Variants in TBC1D2B observed in about 807,000 individuals in gnomAD.
The protein encoded by TBC1D2B is TBC1 domain family member 2B.
A neutral mutation model predicts 100.8 loss-of-function variants in TBC1D2B; 64 were observed. The observed-to-expected ratio is 0.64, with a 90% confidence interval of 0.52 to 0.78. The LOEUF (loss-of-function observed/expected upper bound fraction) is 0.78. TBC1D2B is among the 30% of genes least tolerant of loss of function. The probability of loss-of-function intolerance (pLI) is 0.00; values close to 1 mark genes in which losing one functional copy is unlikely to be tolerated. For synonymous variants in TBC1D2B, 480 were observed against 479.7 expected (o/e 1.00, Z -0.01); for missense variants, 1,052 against 1,218.4 (o/e 0.86, Z 2.03).
intron 3 of TBC1D2B, among the ~76,000 whole-genome samples, chr15:78,041,317 C>T (rs1364271483): frequency 6.6e-6 from 1 of 152,202 alleles, no homozygotes; most frequent in African/African-American, 2.4e-5. Context: ...CAGTGAGGAA[C>T]AAACCCAGCT....
intron 3 of TBC1D2B, among the ~76,000 whole-genome samples, chr15:78,039,332 G>A (rs999824145): frequency 2.0e-5 from 3 of 152,146 alleles, no homozygotes; most frequent in Non-Finnish European, 4.4e-5. Context: ...ATGACTTTAC[G>A]GTCCTAGACA....
At chr15:78,059,289 GCA>G (rs1432944381) in intron 1 of TBC1D2B, among the ~76,000 whole-genome samples, 2 of 152,216 alleles carry the variant, frequency 1.3e-5, no homozygotes, top group Non-Finnish European at 2.9e-5. Flanking sequence ...AAGATGTCTT[GCA>G]CAGTGTCCTG....
chr15:78,031,554 CAAA>C (rs1225713046), intron 3 of TBC1D2B, among the ~76,000 whole-genome samples: 30 of 54,902 alleles, frequency 5.5e-4, no homozygotes, highest in South Asian at 3.3e-3. Context: ...ACTCTGTCTC[CAAA>C]AAAAAAAAAA....
At chr15:78,050,046 C>T (rs1038322838) in intron 2 of TBC1D2B, among the ~76,000 whole-genome samples, 2 of 152,184 alleles carry the variant, frequency 1.3e-5, no homozygotes, top group Non-Finnish European at 1.5e-5. Context: ...TATGGAATCA[C>T]GACATTAAAG....
chr15:78,009,862 C>CTACAGGA (rs2072174555), intron 9 of TBC1D2B, among the ~76,000 whole-genome samples: 1 of 151,674 alleles, frequency 6.6e-6, no homozygotes, highest in South Asian at 2.1e-4. Context: ...GTAGTCCAAG[C>CTACAGGA]TACCTGGGAG....
chr15:78,014,584 G>C (rs2072319881), intron 8 of TBC1D2B, among the ~76,000 whole-genome samples: 1 of 152,196 alleles, frequency 6.6e-6, no homozygotes, highest in African/African-American at 2.4e-5. Context: ...TTCATACAAT[G>C]ATGTTCTACA....
chr15:78,071,928 C>T (rs186049262), intron 1 of TBC1D2B, among the ~76,000 whole-genome samples: 10 of 152,150 alleles, frequency 6.6e-5, no homozygotes, highest in Admixed American at 5.9e-4. Flanking sequence ...TGGTTCCTGG[C>T]GGGGGCCCTC....
intron 10 of TBC1D2B, among the ~76,000 whole-genome samples, chr15:78,006,672 T>C (rs2072077166): frequency 6.6e-6 from 1 of 152,042 alleles, no homozygotes; most frequent in Non-Finnish European, 1.5e-5. Flanking sequence ...CTCAGGCAAA[T>C]TGCTTATTAG....
At chr15:78,058,542 T>C (rs1445384634) in intron 1 of TBC1D2B, among the ~76,000 whole-genome samples, 1 of 152,198 alleles carries the variant, frequency 6.6e-6, no homozygotes, top group Non-Finnish European at 1.5e-5. Flanking sequence ...GACCTTTGAG[T>C]GATCTGGCTG....
intron 3 of TBC1D2B, among the ~76,000 whole-genome samples, chr15:78,039,006 AACAC>A (rs1034826540): frequency 6.6e-6 from 1 of 152,132 alleles, no homozygotes; most frequent in Non-Finnish European, 1.5e-5. Flanking sequence ...CCACTGCAGA[AACAC>A]ACACACACCC....
intron 1 of TBC1D2B, among the ~76,000 whole-genome samples, chr15:78,065,736 T>C (rs2073642488): frequency 6.6e-6 from 1 of 152,070 alleles, no homozygotes; most frequent in Admixed American, 6.5e-5. Context: ...TGCTTGATGT[T>C]TTTCAACTAA....
intron 4 of TBC1D2B, among the ~76,000 whole-genome samples, chr15:78,026,789 T>C (rs1249783872): frequency 2.0e-5 from 3 of 151,496 alleles, no homozygotes; most frequent in Non-Finnish European, 4.4e-5. Context: ...TAATCCCAGC[T>C]ACTCAGGAGG....
intron 3 of TBC1D2B, among the ~76,000 whole-genome samples, chr15:78,040,872 AAGAAAGAAAGAGAGAG>A: frequency 6.9e-6 from 1 of 145,252 alleles, no homozygotes; most frequent in Non-Finnish European, 1.5e-5. Flanking sequence ...GAAAGAAAGA[AAGAAAGAAAGAGAGAG>A]AGAGAGAAAG....
intron 1 of TBC1D2B, among the ~76,000 whole-genome samples, chr15:78,059,196 A>G (rs1366222301): frequency 5.3e-5 from 8 of 152,190 alleles, no homozygotes; most frequent in Admixed American, 2.6e-4. Flanking sequence ...CCTCCCATGG[A>G]GGTGAGGGCA....
chr15:78,054,622 A>G (rs947206301), intron 1 of TBC1D2B, among the ~76,000 whole-genome samples: 10 of 152,224 alleles, frequency 6.6e-5, no homozygotes, highest in Non-Finnish European at 1.5e-4. Flanking sequence ...TACAAAGAAA[A>G]CTGCAGATTA....
chr15:78,065,280 A>C (rs2073633745), intron 1 of TBC1D2B, among the ~76,000 whole-genome samples: 1 of 152,228 alleles, frequency 6.6e-6, no homozygotes, highest in Non-Finnish European at 1.5e-5. Context: ...AATGGACTAG[A>C]AGAATAGGGC....
At chr15:78,001,837 G>A in intron 11 of TBC1D2B, 97 bp from the exon 12 acceptor site, 1 of 1,407,526 alleles carries the variant, frequency 7.1e-7, no homozygotes, top group Non-Finnish European at 9.5e-7. Context: ...TGGGGACAGG[G>A]GGACATGGCT....
rs985235984 is a variant in TBC1D2B at position 78,012,915 on chromosome 15, G to A, written c.2178C>T (p.Cys726=). The A allele has an allele frequency of 1.9e-6, 3 of 1,540,104 alleles. No individual in the cohort carries two copies. Among genetic ancestry groups the A allele is most frequent in the Admixed American group, 4.0e-5 (2 of 50,312 alleles). ...ACTTCTGTATGCCTTCTGAGGTGGG[G>A]CAGGAGTAATGTTTGTTGTTGGGCA... is the stretch of plus-strand genomic sequence containing the variant. ...RTLPNNKHYS[C]PTSEGIQKLR... The change falls in exon 9 of 13, where the codon TGC becomes TGT. Residue 726 remains cysteine, a synonymous_variant. Transcript: ENST00000300584.
At chr15:78,072,698 G>A (rs1310159448) in intron 1 of TBC1D2B, among the ~76,000 whole-genome samples, 5 of 152,290 alleles carry the variant, frequency 3.3e-5, no homozygotes, top group Non-Finnish European at 5.9e-5. Context: ...GTCTGATGAC[G>A]CTCTCTTGCT....
Sources: allele counts gnomAD v4.1 joint callset (sites outside exome capture counted in the v4.1 genomes callset), GRCh38; gene constraint gnomAD v4.1.1; transcripts MANE v1.5; gene names NCBI Gene and HGNC (gene_info 2026-07-23, HGNC 2026-07-21).